XRN1: variants seen among roughly 807,000 people sequenced by gnomAD.
XRN1 encodes strand-exchange protein 1 homolog.
XRN1 carries 67 observed loss-of-function variants against 222.3 expected under a neutral mutation model. That is an observed-to-expected ratio of 0.30 (90% CI 0.25 to 0.37). XRN1 has a LOEUF of 0.37. XRN1 is among the 10% of genes least tolerant of loss of function. The probability of loss-of-function intolerance (pLI) is 1.00; values close to 1 mark genes in which losing one functional copy is unlikely to be tolerated. For synonymous variants in XRN1, 643 were observed against 652.4 expected, an observed-to-expected ratio of 0.99 and a Z score of 0.22; for missense variants, 1,707 against 2,000.2, an observed-to-expected ratio of 0.85 and a Z score of 2.80.
rs368305723 is a variant in XRN1, at chr3:142,324,351, T to C, written c.4404+5083A>G. 8.7e-5 allele frequency among the ~76,000 whole-genome samples: 13 copies of C among 150,074 alleles called. No homozygotes were observed. The East Asian group carries it at 1.8e-3, about 21-fold the overall frequency. On this transcript the variant is annotated intron_variant, in intron 37 of 40. Transcript: ENST00000392981. ...ATGAGTGAGAACATGTTGTGTTTGG[T>C]TTTTTGTCCTTGAAATAGTTTGCTG... is the stretch of plus-strand genomic sequence containing the variant.
In XRN1 at chr3:142,311,773, T is replaced by C. The variant is rs367945051; in HGVS notation, c.4823A>G (p.Asn1608Ser). The change falls in exon 41 of 41, where the codon AAT becomes AGT. Residue 1608 changes from asparagine to serine, a missense_variant. Physicochemically the swap from Asn to Ser is conservative, Grantham distance 46. Around this residue, in one of 2 missense-constraint regions of XRN1, gnomAD observed 473 missense variants for 482.0 expected, o/e 0.98. Coordinates refer to ENST00000392981, the MANE Select transcript of XRN1 (RefSeq NM_001282857.2). ...KRVANKKNFE[N>S]KEAQSSQATP... is the part of the protein sequence containing the mutation. ...GGCTTGAGAACTCTGGGCTTCCTTATTCTCAAAGTTCTTTTTGTTTGCAAC... is the reference window on the plus strand; with the variant it reads ...GGCTTGAGAACTCTGGGCTTCCTTACTCTCAAAGTTCTTTTTGTTTGCAAC... 2 of 1,602,010 alleles carry C rather than the reference T, an allele frequency of 1.2e-6. No individual in the cohort carries two copies. Among genetic ancestry groups the C allele is most frequent in the South Asian group, 1.1e-5 (1 of 89,614 alleles).
chr3:142,425,191 A>C, intron 5 of XRN1, 31 bp downstream of exon 5: 1 of 1,444,988 alleles, frequency 6.9e-7, no homozygotes. Context: ...CTATCAATGC[A>C]TAAGTTTATA....
intron 22 of XRN1, among the ~76,000 whole-genome samples, chr3:142,381,358 T>G (rs967371875): frequency 2.0e-5 from 3 of 152,168 alleles, no homozygotes; most frequent in Non-Finnish European, 1.5e-5. Flanking sequence ...ATTGACATAA[T>G]ACTTTCATCT....
intron 29 of XRN1, 151 bp from the exon 30 acceptor site, chr3:142,360,082 T>A: frequency 2.0e-6 from 1 of 490,200 alleles, no homozygotes; most frequent in Non-Finnish European, 3.5e-6. Context: ...AATATTAATA[T>A]AAGGAACATT....
chr3:142,406,016 G>A lies in XRN1; in HGVS notation c.1714-940C>T, dbSNP rs149749789. Among the ~76,000 whole-genome samples, 7 of 151,910 alleles carry A rather than the reference G, an allele frequency of 4.6e-5. No individual in the cohort carries two copies. The East Asian group carries it at 1.4e-3, about 29-fold the overall frequency. ...CAAATCAAGAGACAGATGTGATACTGGGGAAAACTATTTCTAATATATAAA... is the reference window on the plus strand; with the variant it reads ...CAAATCAAGAGACAGATGTGATACTAGGGAAAACTATTTCTAATATATAAA... On this transcript the variant is annotated intron_variant, in intron 15 of 40. Transcript: ENST00000392981.
intron 27 of XRN1, among the ~76,000 whole-genome samples, chr3:142,365,585 G>A (rs2107865054): frequency 6.6e-6 from 1 of 152,128 alleles, no homozygotes; most frequent in Admixed American, 6.5e-5. Flanking sequence ...AAAATTTTTT[G>A]CTGAAGTATA....
At chr3:142,395,632 C>T (rs2067900913) in intron 20 of XRN1, among the ~76,000 whole-genome samples, 2 of 152,172 alleles carry the variant, frequency 1.3e-5, no homozygotes, top group Admixed American at 1.3e-4. Flanking sequence ...ATTCCTTTAC[C>T]CACTCTAGTT....
rs1450691358 is a variant in XRN1 at position 142,351,405 on chromosome 3, T to A, written c.3768+3996A>T. Among the ~76,000 whole-genome samples, 3 of 152,142 alleles carry A rather than the reference T, an allele frequency of 2.0e-5. No homozygotes were observed. In the East Asian group the frequency reaches 5.8e-4, roughly 29 times the overall value. ...AATGCTGCTGATGGGTCAATTCAGA[T>A]GGAAACTGAGACTTGATCACACGGT... is the stretch of plus-strand genomic sequence containing the variant. On this transcript the variant is annotated intron_variant, in intron 32 of 40. Transcript: ENST00000392981.
chr3:142,336,333 T>C (rs886416950), intron 33 of XRN1, among the ~76,000 whole-genome samples: 14 of 152,118 alleles, frequency 9.2e-5, no homozygotes, highest in Admixed American at 6.6e-4. Flanking sequence ...TATATAGCTA[T>C]ATAGATCTAC....
At chr3:142,409,852 T>G (rs763880681) in intron 15 of XRN1, among the ~76,000 whole-genome samples, 2 of 152,228 alleles carry the variant, frequency 1.3e-5, no homozygotes, top group Non-Finnish European at 2.9e-5. Flanking sequence ...ACATATGTTG[T>G]TAAGTTTATA....
At chr3:142,336,117 G>A (rs2065845518) in intron 33 of XRN1, among the ~76,000 whole-genome samples, 1 of 152,050 alleles carries the variant, frequency 6.6e-6, no homozygotes, top group Non-Finnish European at 1.5e-5. Flanking sequence ...GAATGAATTT[G>A]AAAAATTCTA....
Position 142,309,796 on chromosome 3 carries a change from A to T in XRN1, c.*1715T>A, listed in dbSNP as rs1203302020. On this transcript the variant is annotated 3_prime_UTR_variant, in exon 41 of 41. Coordinates refer to ENST00000392981, the MANE Select transcript of XRN1 (RefSeq NM_001282857.2). ...ACATTTCACACTTTAAAGTAGGAAG[A>T]GGTTAATATAACATTACTGTCACAA... 3 of 152,242 alleles carry T rather than the reference A, an allele frequency of 2.0e-5. No homozygotes were observed. The highest frequency in any genetic ancestry group is 1.5e-5 in the Non-Finnish European group (1 of 68,044). 9.4% of individuals were successfully genotyped at this position (152,242 alleles called of 1,614,324 possible). A position where few individuals can be genotyped will look rare whatever the true frequency, so the allele number is the denominator to read the frequency against.
At chr3:142,385,381 CAT>C (rs1324712291) in intron 20 of XRN1, among the ~76,000 whole-genome samples, 1 of 152,144 alleles carries the variant, frequency 6.6e-6, no homozygotes, top group Non-Finnish European at 1.5e-5. Context: ...GGCCATATAT[CAT>C]ATGATTCCAT....
chr3:142,390,944 G>A (rs2067687826), intron 20 of XRN1, among the ~76,000 whole-genome samples: 1 of 152,104 alleles, frequency 6.6e-6, no homozygotes, highest in Admixed American at 6.5e-5. Context: ...AAGAGACTAG[G>A]GGACCGTTGG....
intron 27 of XRN1, among the ~76,000 whole-genome samples, chr3:142,368,414 G>C (rs2066885000): frequency 6.6e-6 from 1 of 152,182 alleles, no homozygotes; most frequent in Non-Finnish European, 1.5e-5. Context: ...CTCCCAAAGT[G>C]CTGGGATTAC....
intron 36 of XRN1, among the ~76,000 whole-genome samples, chr3:142,330,624 A>C (rs1243930424): frequency 6.6e-6 from 1 of 151,336 alleles, no homozygotes; most frequent in African/African-American, 2.4e-5. Flanking sequence ...ATACTGAAAT[A>C]AAGTAAAACT....
chr3:142,446,019 A>G (rs1051189333), intron 1 of XRN1, among the ~76,000 whole-genome samples: 3 of 152,224 alleles, frequency 2.0e-5, no homozygotes, highest in Admixed American at 1.3e-4. Context: ...GACTATTGAT[A>G]GTTTGCCTCA....
chr3:142,401,667 T>G (rs1303845382), intron 18 of XRN1, among the ~76,000 whole-genome samples: 2 of 152,108 alleles, frequency 1.3e-5, no homozygotes, highest in Middle Eastern at 3.2e-3. Context: ...TGACCCAAGA[T>G]AGCGCCACTG....
chr3:142,330,025 T>C (rs1226292498), intron 36 of XRN1, among the ~76,000 whole-genome samples: 1 of 152,196 alleles, frequency 6.6e-6, no homozygotes, highest in Non-Finnish European at 1.5e-5. Flanking sequence ...ATGAGTATAA[T>C]TGATTAATGA....
Sources: allele counts gnomAD v4.1 joint callset (sites outside exome capture counted in the v4.1 genomes callset), GRCh38; gene constraint gnomAD v4.1.1; regional missense constraint gnomAD v4.1.1; transcripts MANE v1.5; gene names NCBI Gene and HGNC (gene_info 2026-07-23, HGNC 2026-07-21).